MYO1H: variants seen among roughly 807,000 people sequenced by gnomAD.
The protein encoded by MYO1H is myosin IH, also known as unconventional myosin-Ih.
Under a neutral mutation model 149.3 loss-of-function variants are expected in MYO1H, and 118 were observed. That is an observed-to-expected ratio of 0.79 (90% confidence interval 0.68 to 0.92). The LOEUF is 0.92. MYO1H is among the 40% of genes least tolerant of loss of function. The pLI is 0.00. For missense variants in MYO1H, 1,212 were observed against 1,280.7 expected, an observed-to-expected ratio of 0.95 and a Z score of 0.82; for synonymous variants, 447 against 465.2, an observed-to-expected ratio of 0.96 and a Z score of 0.50.
At position 109,390,309 on chromosome 12, in the gene MYO1H, G is replaced by A. The variant is rs529844163; in HGVS notation, c.174+1465G>A. Among the ~76,000 whole-genome samples, 28 of 151,268 alleles carry A rather than the reference G, an allele frequency of 1.9e-4. No homozygotes were observed. In the East Asian group the frequency reaches 5.3e-3, roughly 28 times the overall value. On this transcript the variant is annotated intron_variant, in intron 2 of 31. Transcript: ENST00000310903. ...TCCTGCCTCAGCCTCCCACGTAGCT[G>A]GGATTACAGGCACACACCACCACAC...
rs149764053 is a variant in MYO1H, at chr12:109,398,008, C to T, written c.570+196C>T. On this transcript the variant is annotated intron_variant, in intron 5 of 31. Coordinates refer to ENST00000310903, the Ensembl canonical transcript of MYO1H. The stretch of plus-strand genomic sequence containing the variant: ...TAACATTTTATACCATCTGGATGGG[C>T]AAAAACTAAAAAGTCTGATCTATAC... Among the ~76,000 whole-genome samples the T allele has an allele frequency of 3.2e-4, 48 of 152,230 alleles. No individual in the cohort carries two copies. In the East Asian group the frequency reaches 8.5e-3, roughly 27 times the overall value.
At chr12:109,420,916 TG>T in intron 15 of MYO1H, 64 bp from the exon 16 acceptor site, 1 of 846,874 alleles carries the variant, frequency 1.2e-6, no homozygotes. Flanking sequence ...TGCAATGAGT[TG>T]GGATGGAATT....
chr12:109,408,032 G>T, intron 10 of MYO1H, 119 bp downstream of exon 10: 1 of 1,267,454 alleles, frequency 7.9e-7, no homozygotes, highest in Non-Finnish European at 1.1e-6. Context: ...GGCAGAGATG[G>T]TGTCTTTCCC....
At chr12:109,442,781 T>G (rs1479256966) in intron 27 of MYO1H, among the ~76,000 whole-genome samples, 2 of 143,414 alleles carry the variant, frequency 1.4e-5, no homozygotes, top group Admixed American at 7.0e-5. Flanking sequence ...TGATCGTGTG[T>G]GCCAGTGTCT....
chr12:109,443,007 A>ATATAT (rs1268093912), intron 27 of MYO1H, among the ~76,000 whole-genome samples: 2 of 83,910 alleles, frequency 2.4e-5, no homozygotes, highest in Non-Finnish European at 4.5e-5. Context: ...GAAAAAAAAA[A>ATATAT]AAATATATAT....
At chr12:109,325,254 T>G in the MYO1H span, among the ~76,000 whole-genome samples, 1 of 152,216 alleles carries the variant, frequency 6.6e-6, no homozygotes, top group Non-Finnish European at 1.5e-5. Context: ...GATTGCTGGA[T>G]CAAATGGTAT....
chr12:109,367,318 T>A (rs954216268), intron 1 of MYO1H, among the ~76,000 whole-genome samples: 1 of 152,108 alleles, frequency 6.6e-6, no homozygotes, highest in African/African-American at 2.4e-5. Context: ...AGTAGGTGGA[T>A]CATAGAAAAA....
intron 1 of MYO1H, among the ~76,000 whole-genome samples, chr12:109,368,304 T>C (rs1413731270): frequency 6.6e-6 from 1 of 152,134 alleles, no homozygotes; most frequent in Non-Finnish European, 1.5e-5. Flanking sequence ...AAGAGCTCAA[T>C]AGATGTTTGG....
chr12:109,413,924 G>A (rs946253221), intron 14 of MYO1H, among the ~76,000 whole-genome samples: 4 of 151,708 alleles, frequency 2.6e-5, no homozygotes, highest in South Asian at 2.1e-4. Flanking sequence ...AGAAAAAAAA[G>A]GACTACATTC....
intron 1 of MYO1H, among the ~76,000 whole-genome samples, chr12:109,382,780 T>C (rs1869231632): frequency 6.6e-6 from 1 of 151,456 alleles, no homozygotes; most frequent in Non-Finnish European, 1.5e-5. Flanking sequence ...GCTGTGTATA[T>C]TGAGTTTGTT....
At chr12:109,416,622 G>A (rs1381877537) in intron 15 of MYO1H, among the ~76,000 whole-genome samples, 1 of 152,050 alleles carries the variant, frequency 6.6e-6, no homozygotes, top group African/African-American at 2.4e-5. Context: ...GAATATGTCG[G>A]TATGAGTTTC....
intron 1 of MYO1H, among the ~76,000 whole-genome samples, chr12:109,385,117 T>C (rs1034560097): frequency 6.6e-6 from 1 of 152,124 alleles, no homozygotes; most frequent in Non-Finnish European, 1.5e-5. Context: ...TTCCGTTTTA[T>C]AGAGATGAAA....
At chr12:109,413,469 G>A (rs1315181958) in intron 14 of MYO1H, among the ~76,000 whole-genome samples, 1 of 152,168 alleles carries the variant, frequency 6.6e-6, no homozygotes, top group Admixed American at 6.5e-5. Flanking sequence ...ATAAGTAAAT[G>A]AAATTGCAAA....
chr12:109,445,236 T>A (rs1270151529), intron 30 of MYO1H, among the ~76,000 whole-genome samples: 5 of 152,164 alleles, frequency 3.3e-5, no homozygotes, highest in African/African-American at 1.2e-4. Flanking sequence ...CCCCTCAGAG[T>A]TTCAGTGTGA....
intron 19 of MYO1H, 130 bp from the exon 20 acceptor site, chr12:109,432,767 T>C (rs575430601): frequency 2.9e-4 from 195 of 675,930 alleles, no homozygotes; most frequent in African/African-American, 2.2e-3. Context: ...GTTCGTGTAA[T>C]GGGACTACTA....
the MYO1H span, among the ~76,000 whole-genome samples, chr12:109,320,570 G>T: frequency 8.3e-5 from 12 of 144,686 alleles, no homozygotes; most frequent in African/African-American, 3.1e-4. Context: ...GTTGCAGTGA[G>T]CTGAGATCGC....
At chr12:109,378,667 T>A (rs1392772443) in intron 1 of MYO1H, among the ~76,000 whole-genome samples, 1 of 152,202 alleles carries the variant, frequency 6.6e-6, no homozygotes, top group East Asian at 1.9e-4. Flanking sequence ...TCTAAATTGT[T>A]TACTTCCTTG....
chr12:109,438,086 T>TAAAAAAAAAAAAAAAAA (rs58487735), intron 22 of MYO1H, among the ~76,000 whole-genome samples: 41 of 96,894 alleles, frequency 4.2e-4, no homozygotes, highest in African/African-American at 1.8e-3. Context: ...AGGCTCTGTC[T>TAAAAAAAAAAAAAAAAA]AAAAAAAAAA....
intron 3 of MYO1H, among the ~76,000 whole-genome samples, 158 bp downstream of exon 3, chr12:109,393,604 C>T (rs561345908): frequency 3.5e-4 from 53 of 151,894 alleles, no homozygotes; most frequent in Admixed American, 3.9e-4. Context: ...TCCACCTATC[C>T]ATCCACCTAT....
Sources: allele counts gnomAD v4.1 joint callset (sites outside exome capture counted in the v4.1 genomes callset), GRCh38; gene constraint gnomAD v4.1.1; transcripts MANE v1.5; gene names NCBI Gene and HGNC (gene_info 2026-07-23, HGNC 2026-07-21).